EIPR1: variants seen among roughly 807,000 people sequenced by gnomAD.
EIPR1 encodes the protein EARP and GARP complex-interacting protein 1.
EIPR1 carries 25 observed loss-of-function variants against 48.1 expected under a neutral mutation model. The observed-to-expected ratio is 0.52, with a 90% CI of 0.38 to 0.73. EIPR1 has a LOEUF of 0.73. Ranked by LOEUF, EIPR1 falls within the 30% of genes least tolerant of loss-of-function variation. EIPR1 has a pLI of 0.00. For synonymous variants in EIPR1, 204 were observed against 201.9 expected, an observed-to-expected ratio of 1.01 and a Z score of -0.09; for missense variants, 415 against 506.2, an observed-to-expected ratio of 0.82 and a Z score of 1.73.
At chr2:3,248,706 G>A (rs554780601) in intron 4 of EIPR1, among the ~76,000 whole-genome samples, 1 of 152,354 alleles carries the variant, frequency 6.6e-6, no homozygotes, top group African/African-American at 2.4e-5. Flanking sequence ...CGGAGGCAGA[G>A]GTTGCAGTGA....
intron 4 of EIPR1, among the ~76,000 whole-genome samples, chr2:3,227,996 G>A (rs1355677777): frequency 6.6e-6 from 1 of 152,400 alleles, no homozygotes; most frequent in East Asian, 1.9e-4. Context: ...GAGCCCTTAT[G>A]AAGAACCTCT....
intron 3 of EIPR1, among the ~76,000 whole-genome samples, chr2:3,285,418 C>T (rs1210563040): frequency 4.0e-5 from 6 of 151,642 alleles, no homozygotes; most frequent in Admixed American, 6.6e-5. Flanking sequence ...GCACTGGCCA[C>T]GGCCTCTGCT....
intron 3 of EIPR1, among the ~76,000 whole-genome samples, chr2:3,285,044 T>G (rs1468365956): frequency 6.6e-6 from 1 of 151,952 alleles, no homozygotes; most frequent in Non-Finnish European, 1.5e-5. Context: ...GGAGAAGTGG[T>G]TAAATACACA....
At chr2:3,365,767 G>T (rs960489770) in intron 1 of EIPR1, among the ~76,000 whole-genome samples, 4 of 150,990 alleles carry the variant, frequency 2.6e-5, no homozygotes, top group African/African-American at 9.7e-5. Flanking sequence ...ACCCTGAGTG[G>T]ACACAGCACA....
chr2:3,297,831 CGTTT>C (rs1195954711), intron 3 of EIPR1, among the ~76,000 whole-genome samples: 1 of 152,030 alleles, frequency 6.6e-6, no homozygotes, highest in Non-Finnish European at 1.5e-5. Context: ...TTTTTTTGTT[CGTTT>C]GTTTGAGATG....
intron 3 of EIPR1, among the ~76,000 whole-genome samples, chr2:3,275,122 T>C (rs909944796): frequency 1.3e-5 from 2 of 152,244 alleles, no homozygotes; most frequent in Admixed American, 1.3e-4. Flanking sequence ...AGCTGGATAT[T>C]GTTAGACTGA....
At chr2:3,329,659 C>A (rs1232391908) in intron 3 of EIPR1, among the ~76,000 whole-genome samples, 1 of 151,882 alleles carries the variant, frequency 6.6e-6, no homozygotes, top group Admixed American at 6.6e-5. Flanking sequence ...CCTGGCTCCC[C>A]TGAATCAGAG....
At chr2:3,291,066 G>A (rs1229486943) in intron 3 of EIPR1, among the ~76,000 whole-genome samples, 4 of 152,150 alleles carry the variant, frequency 2.6e-5, no homozygotes, top group Non-Finnish European at 5.9e-5. Context: ...ATTCCCCCAC[G>A]GCTGGCATTG....
chr2:3,299,339 C>T (rs1668694286), intron 3 of EIPR1, among the ~76,000 whole-genome samples: 1 of 135,866 alleles, frequency 7.4e-6, no homozygotes, highest in Admixed American at 7.1e-5. Context: ...GGCCCCTTGT[C>T]CTGCAGTGCT....
At chr2:3,320,198 G>A in intron 3 of EIPR1, 1 of 171,684 alleles carries the variant, frequency 5.8e-6, no homozygotes, top group Non-Finnish European at 1.2e-5. Context: ...CTGCAGGCAG[G>A]GCAACACCAT....
At chr2:3,216,128 T>C (rs143897435) in intron 4 of EIPR1, among the ~76,000 whole-genome samples, 1 of 152,286 alleles carries the variant, frequency 6.6e-6, no homozygotes, top group African/African-American at 2.4e-5. Context: ...TAGGTAGAGT[T>C]CGGACAGCTT....
intron 1 of EIPR1, among the ~76,000 whole-genome samples, chr2:3,373,552 A>G (rs1374815175): frequency 1.3e-5 from 2 of 151,516 alleles, no homozygotes; most frequent in Non-Finnish European, 1.5e-5. Flanking sequence ...AAATCAATGT[A>G]CAAAAATCAC....
chr2:3,296,485 T>C (rs1370383832), intron 3 of EIPR1, among the ~76,000 whole-genome samples: 5 of 48,280 alleles, frequency 1.0e-4, no homozygotes, highest in Non-Finnish European at 2.0e-4. Context: ...ATCCAACCCA[T>C]CCTCTCCACA....
At chr2:3,247,757 A>C (rs1666877260) in intron 4 of EIPR1, among the ~76,000 whole-genome samples, 1 of 152,218 alleles carries the variant, frequency 6.6e-6, no homozygotes, top group Admixed American at 6.5e-5. Flanking sequence ...TAATCCTTTA[A>C]TAGAAGAATA....
chr2:3,362,272 G>T (rs562403055), intron 1 of EIPR1, among the ~76,000 whole-genome samples: 3 of 151,752 alleles, frequency 2.0e-5, no homozygotes, highest in Admixed American at 2.0e-4. Flanking sequence ...ATACACAGGG[G>T]GATGTGCCCC....
Position 3,354,557 on chromosome 2 carries a change from T to C in EIPR1, c.119A>G (p.Asp40Gly). 1 of 1,613,972 alleles carries C rather than the reference T, an allele frequency of 6.2e-7. No individual in the cohort carries two copies. Among genetic ancestry groups the C allele is most frequent in the African/African-American group, 1.3e-5 (1 of 75,062 alleles). The change falls in exon 2 of 9, where the codon GAT (aspartate) becomes GGT (glycine). Residue 40 changes from aspartate (D) to glycine (G), a missense_variant. Physicochemically the swap from Asp to Gly is moderately conservative, Grantham distance 94. Transcript: ENST00000382125. ...FLVGTQSLKYDNQIHIIDFDD... is the reference protein window; with the variant it reads ...FLVGTQSLKYGNQIHIIDFDD... ...TTTGTCAAAAATAGTTACCTGATTATCATATTTAAGAGACTGCGTCCCAAC... is the reference window on the plus strand; with the variant it reads ...TTTGTCAAAAATAGTTACCTGATTACCATATTTAAGAGACTGCGTCCCAAC...
chr2:3,256,538 C>T (rs139890261), intron 4 of EIPR1, among the ~76,000 whole-genome samples: 31 of 152,302 alleles, frequency 2.0e-4, no homozygotes, highest in African/African-American at 6.5e-4. Flanking sequence ...GTAGAACTGA[C>T]GAGACAGAAG....
intron 1 of EIPR1, among the ~76,000 whole-genome samples, chr2:3,372,202 A>G (rs1230619251): frequency 1.3e-5 from 2 of 150,966 alleles, no homozygotes; most frequent in African/African-American, 4.9e-5. Context: ...AAGACACAAC[A>G]TACCAGAATC....
chr2:3,236,692 T>A lies in EIPR1; in HGVS notation c.416+20607A>T, dbSNP rs540683598. 6.9e-4 allele frequency among the ~76,000 whole-genome samples: 105 copies of A among 152,174 alleles called. 1 individual carries two copies. The highest frequency in any genetic ancestry group is 3.4e-3 in the Middle Eastern group (1 of 294). On this transcript the variant is annotated intron_variant, in intron 4 of 8. Transcript: ENST00000382125. ...GCCCTGGGCTACCTGGACAGCATTC[T>A]CCTTCTCACACTGACTGTGAGCCTA... is the stretch of plus-strand genomic sequence containing the variant.
Sources: allele counts gnomAD v4.1 joint callset (sites outside exome capture counted in the v4.1 genomes callset), GRCh38; gene constraint gnomAD v4.1.1; transcripts MANE v1.5; gene names NCBI Gene and HGNC (gene_info 2026-07-23, HGNC 2026-07-21).